The following SORCS2 variants were observed in gnomAD, a reference collection of about 807,000 sequenced individuals.
SORCS2 encodes VPS10 domain-containing receptor SorCS2.
SORCS2 carries 100 observed loss-of-function variants against 141.6 expected under a neutral mutation model. The ratio of observed to expected loss-of-function variants is 0.71; its 90% CI spans 0.60 to 0.83. The LOEUF is 0.83. SORCS2 is among the 40% of genes least tolerant of loss of function. The pLI, the probability that SORCS2 is intolerant of heterozygous loss-of-function variation, is 0.00. For synonymous variants in SORCS2, 789 were observed against 676.9 expected (o/e 1.17, Z -2.57); for missense variants, 1,646 against 1,560.2 (o/e 1.05, Z -0.93).
At chr4:7,540,293 C>T (rs1232583960) in intron 3 of SORCS2, among the ~76,000 whole-genome samples, 1 of 151,778 alleles carries the variant, frequency 6.6e-6, no homozygotes. Context: ...TCCTTCCTCT[C>T]CTTCTGGACC....
intron 2 of SORCS2, among the ~76,000 whole-genome samples, chr4:7,471,531 C>A (rs1009539154): frequency 2.6e-5 from 4 of 152,220 alleles, no homozygotes; most frequent in African/African-American, 9.6e-5. Context: ...GAAGAGGGAG[C>A]AGAACGAAGA....
chr4:7,292,917 GAGA>G (rs1414830039), intron 1 of SORCS2, among the ~76,000 whole-genome samples: 7 of 152,232 alleles, frequency 4.6e-5, no homozygotes, highest in African/African-American at 1.4e-4. Flanking sequence ...GAAAAGCAGA[GAGA>G]AGAAGAGTGG....
At chr4:7,418,938 G>A (rs1725870653) in intron 2 of SORCS2, among the ~76,000 whole-genome samples, 2 of 152,204 alleles carry the variant, frequency 1.3e-5, no homozygotes, top group Non-Finnish European at 2.9e-5. Context: ...TCCTCCAGCA[G>A]GTTAGCCTGG....
intron 2 of SORCS2, among the ~76,000 whole-genome samples, chr4:7,483,927 A>G (rs1730815647): frequency 6.6e-6 from 1 of 152,206 alleles, no homozygotes; most frequent in African/African-American, 2.4e-5. Flanking sequence ...CAAACAAACA[A>G]AAAACCAAAC....
chr4:7,258,338 C>A (rs1714059712), intron 1 of SORCS2, among the ~76,000 whole-genome samples: 1 of 152,114 alleles, frequency 6.6e-6, no homozygotes, highest in African/African-American at 2.4e-5. Context: ...GTGATGTTCC[C>A]CTCTCTGTCC....
chr4:7,349,618 C>T (rs2109003367), intron 1 of SORCS2, among the ~76,000 whole-genome samples: 1 of 152,266 alleles, frequency 6.6e-6, no homozygotes, highest in South Asian at 2.1e-4. Context: ...CCTTCGCCAC[C>T]CAGTGAGGGC....
At chr4:7,464,239 A>G (rs755406901) in intron 2 of SORCS2, among the ~76,000 whole-genome samples, 34 of 152,192 alleles carry the variant, frequency 2.2e-4, no homozygotes, top group African/African-American at 8.2e-4. Flanking sequence ...CCCATGAGTG[A>G]GCCCCTAACT....
intron 21 of SORCS2, 121 bp downstream of exon 21, chr4:7,727,024 G>T: frequency 7.9e-7 from 1 of 1,272,356 alleles, no homozygotes; most frequent in East Asian, 2.7e-5. Flanking sequence ...CCCTGGGGTG[G>T]GGAGGGAGGG....
chr4:7,335,790 G>T (rs1044273404), intron 1 of SORCS2, among the ~76,000 whole-genome samples: 1 of 152,218 alleles, frequency 6.6e-6, no homozygotes, highest in Admixed American at 6.5e-5. Context: ...GTGGCGTGGC[G>T]ACTGGAACAG....
At chr4:7,575,972 G>T (rs907488300) in intron 3 of SORCS2, among the ~76,000 whole-genome samples, 1 of 152,190 alleles carries the variant, frequency 6.6e-6, no homozygotes, top group African/African-American at 2.4e-5. Context: ...TTTTGAAAGG[G>T]TCGGTTGATT....
At chr4:7,558,881 C>T (rs961170734) in intron 3 of SORCS2, among the ~76,000 whole-genome samples, 3 of 152,200 alleles carry the variant, frequency 2.0e-5, no homozygotes, top group Non-Finnish European at 4.4e-5. Flanking sequence ...AGCTGTGGCT[C>T]ACCTTCCCAG....
chr4:7,279,261 G>A (rs1317673575), intron 1 of SORCS2, among the ~76,000 whole-genome samples: 3 of 152,156 alleles, frequency 2.0e-5, no homozygotes, highest in African/African-American at 7.2e-5. Flanking sequence ...AAGAAAAAAA[G>A]GAAAAACATC....
intron 3 of SORCS2, among the ~76,000 whole-genome samples, chr4:7,608,750 A>G (rs1490540207): frequency 6.6e-6 from 1 of 152,110 alleles, no homozygotes; most frequent in Non-Finnish European, 1.5e-5. Context: ...TTCCCGCTCC[A>G]GGGACATCAC....
At chr4:7,426,603 C>G (rs1013593320) in intron 2 of SORCS2, among the ~76,000 whole-genome samples, 13 of 152,138 alleles carry the variant, frequency 8.5e-5, no homozygotes, top group Admixed American at 8.5e-4. Context: ...GTCATCAGCC[C>G]GATGGAAATA....
chr4:7,714,246 C>A lies in SORCS2; in HGVS notation c.1996C>A (p.Arg666Ser). 6.2e-7 allele frequency: 1 copy of A among 1,610,352 alleles called. No homozygotes were observed. Among genetic ancestry groups the A allele is most frequent in the Non-Finnish European group, 8.5e-7 (1 of 1,178,582 alleles). The stretch of plus-strand genomic sequence containing the variant: ...CCTGATGTTCCTGCTGCAGGGCGAC[C>A]GCTGTATCATGGGCCAGCAGAGAAG... The part of the protein sequence containing the change: ...SWELSNLQGD[R>S]CIMGQQRSFR... Residue 666 changes from arginine (R) to serine (S), a missense_variant, in exon 16 of 27, where the codon CGC becomes AGC. By Grantham distance (110) the Arg-to-Ser change is moderately radical. Coordinates refer to ENST00000507866, the MANE Select transcript of SORCS2 (RefSeq NM_020777.3).
chr4:7,297,123 G>T (rs1478745563), intron 1 of SORCS2, among the ~76,000 whole-genome samples: 1 of 152,200 alleles, frequency 6.6e-6, no homozygotes, highest in Non-Finnish European at 1.5e-5. Context: ...ATGCCCATGG[G>T]TTCCCTCTCT....
intron 1 of SORCS2, among the ~76,000 whole-genome samples, chr4:7,385,286 T>C (rs1000651915): frequency 2.6e-5 from 4 of 152,188 alleles, no homozygotes; most frequent in Admixed American, 2.6e-4. Flanking sequence ...CTCTCCCTGG[T>C]AAATAAATGC....
intron 11 of SORCS2, among the ~76,000 whole-genome samples, chr4:7,696,452 G>C (rs192075633): frequency 2.6e-5 from 4 of 152,170 alleles, no homozygotes; most frequent in African/African-American, 9.7e-5. Context: ...TGTTATGCAC[G>C]GCCGTTGTTC....
chr4:7,314,800 GTTTTTTTTT>G (rs397880294), intron 1 of SORCS2, among the ~76,000 whole-genome samples: 12 of 109,840 alleles, frequency 1.1e-4, no homozygotes, highest in African/African-American at 2.0e-4. Context: ...CCACTGTTCT[GTTTTTTTTT>G]TTTTTTTTTT....
Sources: gnomAD v4.1 joint callset for allele counts (sites outside exome capture counted in the v4.1 genomes callset) on GRCh38, gnomAD v4.1.1 for gene constraint, MANE v1.5 for transcripts, NCBI Gene and HGNC (gene_info 2026-07-23, HGNC 2026-07-21) for gene names.